The following KAZN variants were observed in gnomAD, a reference collection of about 807,000 sequenced individuals.
The protein encoded by KAZN is kazrin.
KAZN carries 40 observed loss-of-function variants against 87.4 expected under a neutral mutation model. That is an observed-to-expected ratio of 0.46 (90% CI 0.36 to 0.60). The LOEUF (loss-of-function observed/expected upper bound fraction) is 0.60. Among genes scored for constraint, KAZN ranks in the 20% least tolerant of loss-of-function variants. The pLI, the probability that KAZN is intolerant of heterozygous loss-of-function variation, is 0.00. For missense variants in KAZN, 898 were observed against 1,073.9 expected (o/e 0.84, Z 2.29); for synonymous variants, 466 against 458.3 (o/e 1.02, Z -0.22).
At chr1:13,981,613 C>T (rs1250577583) in intron 1 of KAZN, among the ~76,000 whole-genome samples, 2 of 152,116 alleles carry the variant, frequency 1.3e-5, no homozygotes, top group Non-Finnish European at 2.9e-5. Flanking sequence ...GCAGACCATG[C>T]AAAAACCATG....
At chr1:14,603,938 G>C (rs1677163789) in intron 1 of KAZN, among the ~76,000 whole-genome samples, 1 of 152,156 alleles carries the variant, frequency 6.6e-6, no homozygotes, top group African/African-American at 2.4e-5. Flanking sequence ...TTCACTGCAT[G>C]TTTTCTTTAT....
chr1:15,055,002 A>G (rs742666), intron 4 of KAZN, among the ~76,000 whole-genome samples: 10,356 of 151,938 alleles, frequency 0.068, 1,115 homozygotes, highest in African/African-American at 0.23. Flanking sequence ...GCACCTGCCC[A>G]TCTCCTTGCT....
chr1:14,261,105 T>C (rs11582683), intron 2 of KAZN, among the ~76,000 whole-genome samples: 29,580 of 152,174 alleles, frequency 0.19, 3,193 homozygotes, highest in Middle Eastern at 0.33. Context: ...GTGGAACTAT[T>C]CAAAGGATCA....
At chr1:14,295,042 G>A (rs1454415930) in intron 2 of KAZN, among the ~76,000 whole-genome samples, 4 of 151,960 alleles carry the variant, frequency 2.6e-5, no homozygotes, top group Non-Finnish European at 4.4e-5. Flanking sequence ...TGTGTCCTTA[G>A]GCAAACAGTT....
At chr1:13,979,545 G>T (rs1445880292) in intron 1 of KAZN, among the ~76,000 whole-genome samples, 1 of 152,216 alleles carries the variant, frequency 6.6e-6, no homozygotes, top group Non-Finnish European at 1.5e-5. Flanking sequence ...TGGAAGCATG[G>T]TTATCCAGGA....
chr1:14,501,268 C>T lies in KAZN; in HGVS notation c.250-97715C>T, dbSNP rs186256717. Among the ~76,000 whole-genome samples, 301 of 152,028 alleles carry T rather than the reference C, an allele frequency of 2.0e-3. 1 individual carries two copies. Among genetic ancestry groups the T allele is most frequent in the Middle Eastern group, 0.01 (3 of 294 alleles). On this transcript the variant is annotated intron_variant, in intron 2 of 16. Transcript: ENST00000636203. ...ACATTGTACTGGAGGTTCTAGCCAG[C>T]GCAATTAAGCAAGAGAAAGAAAAAA...
At chr1:14,189,515 T>A (rs984007410) in intron 2 of KAZN, among the ~76,000 whole-genome samples, 1 of 152,160 alleles carries the variant, frequency 6.6e-6, no homozygotes, top group Non-Finnish European at 1.5e-5. Context: ...CGGACAGGCT[T>A]GATTCATCTT....
Position 14,502,722 on chromosome 1 carries a change from A to C in KAZN, c.250-96261A>C, listed in dbSNP as rs568810477. Among the ~76,000 whole-genome samples, 273 of 152,306 alleles carry C rather than the reference A, an allele frequency of 1.8e-3. 1 individual carries two copies. The highest frequency in any genetic ancestry group is 0.012 in the South Asian group (57 of 4,814). ...CTGAGCACTGTGTGATGACCACAGC[A>C]TCCCTGCAAGGTGGGTCAGAGCAAC... On this transcript the variant is annotated intron_variant, in intron 2 of 16. Transcript: ENST00000636203.
chr1:14,031,453 A>G (rs533727081), intron 1 of KAZN, among the ~76,000 whole-genome samples: 12 of 152,232 alleles, frequency 7.9e-5, no homozygotes, highest in Non-Finnish European at 7.3e-5. Flanking sequence ...TGCTCCATGT[A>G]GACAGAGAAT....
At chr1:14,324,102 T>C (rs1656236818) in intron 2 of KAZN, among the ~76,000 whole-genome samples, 1 of 152,186 alleles carries the variant, frequency 6.6e-6, no homozygotes, top group Non-Finnish European at 1.5e-5. Flanking sequence ...CGTCTAAATG[T>C]GTATGTTCAT....
chr1:14,688,661 C>T (rs2148778530), intron 1 of KAZN, among the ~76,000 whole-genome samples: 1 of 152,366 alleles, frequency 6.6e-6, no homozygotes, highest in African/African-American at 2.4e-5. Flanking sequence ...AGGGAGAAGT[C>T]TTAGCAAAAG....
chr1:14,438,925 C>A (rs1333105347), intron 2 of KAZN, among the ~76,000 whole-genome samples: 1 of 152,160 alleles, frequency 6.6e-6, no homozygotes, highest in East Asian at 1.9e-4. Context: ...CCTCTTCTAA[C>A]AGGTCTTCTT....
intron 1 of KAZN, among the ~76,000 whole-genome samples, chr1:13,900,049 A>G (rs1245945992): frequency 1.3e-5 from 2 of 151,844 alleles, no homozygotes; most frequent in Non-Finnish European, 1.5e-5. Flanking sequence ...TGTCATCCTT[A>G]TGAGTAGCTG....
At chr1:14,313,426 C>T (rs17399514) in intron 2 of KAZN, among the ~76,000 whole-genome samples, 10,741 of 152,192 alleles carry the variant, frequency 0.071, 535 homozygotes, top group Non-Finnish European at 0.11. Flanking sequence ...CTATTATGTT[C>T]ATCTATGCCA....
At chr1:14,403,555 A>G (rs926795714) in intron 2 of KAZN, among the ~76,000 whole-genome samples, 1 of 152,228 alleles carries the variant, frequency 6.6e-6, no homozygotes, top group African/African-American at 2.4e-5. Context: ...AGAATTTTCA[A>G]CATCAATAAG....
rs150159553 is a variant in KAZN, at chr1:14,397,623, G to A, written c.250-201360G>A. ...TGTAATCCCAACAGTTTGGGAGGCC[G>A]AGGCGGGCGGATCACCTGAGGTCAG... is the stretch of plus-strand genomic sequence containing the variant. On this transcript the variant is annotated intron_variant, in intron 2 of 16. Coordinates refer to the KAZN transcript ENST00000636203. Among the ~76,000 whole-genome samples the A allele has an allele frequency of 5.5e-3, 838 of 152,136 alleles. 7 individuals are homozygous for A. Among genetic ancestry groups the A allele is most frequent in the African/African-American group, 0.019 (806 of 41,502 alleles).
chr1:14,096,692 A>G (rs896255382), intron 1 of KAZN, among the ~76,000 whole-genome samples: 1 of 152,222 alleles, frequency 6.6e-6, no homozygotes, highest in South Asian at 2.1e-4. Flanking sequence ...TTTATTGGAG[A>G]AGGCTTCAAG....
At chr1:14,413,380 G>GGA (rs1030016304) in intron 2 of KAZN, among the ~76,000 whole-genome samples, 3 of 151,928 alleles carry the variant, frequency 2.0e-5, no homozygotes, top group African/African-American at 7.2e-5. Context: ...CACGAGGTCA[G>GGA]GAGATCGAGA....
At chr1:14,615,581 G>T (rs543475358) in intron 1 of KAZN, among the ~76,000 whole-genome samples, 74 of 151,742 alleles carry the variant, frequency 4.9e-4, no homozygotes, top group South Asian at 2.9e-3. Flanking sequence ...AGCCAAGATC[G>T]TGCCACTGCA....
Sources: gnomAD v4.1 joint callset for allele counts (sites outside exome capture counted in the v4.1 genomes callset) on GRCh38, gnomAD v4.1.1 for gene constraint, MANE v1.5 for transcripts, NCBI Gene and HGNC (gene_info 2026-07-23, HGNC 2026-07-21) for gene names.